The following CAP2 variants were observed in gnomAD, a reference collection of about 807,000 sequenced individuals.
CAP2 encodes the protein adenylyl cyclase-associated protein 2.
In CAP2, 24 loss-of-function variants were observed where a neutral mutation model predicts 57.7. That is an observed-to-expected ratio of 0.42 (90% confidence interval 0.30 to 0.58). The LOEUF (loss-of-function observed/expected upper bound fraction) is 0.58. Among genes scored for constraint, CAP2 ranks in the 20% least tolerant of loss-of-function variants. The probability of loss-of-function intolerance (pLI) is 0.22; values close to 1 mark genes in which losing one functional copy is unlikely to be tolerated. For missense variants in CAP2, 501 were observed against 590.3 expected (o/e 0.85, Z 1.57); for synonymous variants, 194 against 207.2 (o/e 0.94, Z 0.55).
intron 11 of CAP2, among the ~76,000 whole-genome samples, chr6:17,549,426 TG>T (rs2113709640): frequency 6.6e-6 from 1 of 151,990 alleles, no homozygotes; most frequent in Non-Finnish European, 1.5e-5. Flanking sequence ...ATCGTGCCAT[TG>T]TACTCCAGCC....
intron 1 of CAP2, among the ~76,000 whole-genome samples, chr6:17,395,968 A>G (rs1758654405): frequency 6.6e-6 from 1 of 152,208 alleles, no homozygotes; most frequent in African/African-American, 2.4e-5. Context: ...AAAAAGAAAA[A>G]TAATCCAATT....
At chr6:17,508,970 T>C (rs1206196835) in intron 6 of CAP2, among the ~76,000 whole-genome samples, 2 of 152,128 alleles carry the variant, frequency 1.3e-5, no homozygotes, top group Middle Eastern at 3.4e-3. Context: ...ATTGGCCAGA[T>C]GGTCTCAATC....
intron 11 of CAP2, among the ~76,000 whole-genome samples, chr6:17,544,093 C>A (rs1421047145): frequency 6.8e-6 from 1 of 146,226 alleles, no homozygotes; most frequent in East Asian, 2.0e-4. Flanking sequence ...CCACTGCACT[C>A]CAGCCTGGGC....
intron 6 of CAP2, among the ~76,000 whole-genome samples, chr6:17,510,920 T>G (rs1762129939): frequency 6.6e-6 from 1 of 152,200 alleles, no homozygotes; most frequent in Non-Finnish European, 1.5e-5. Context: ...TGAGTATATG[T>G]TGGGGCTGTG....
chr6:17,484,908 C>A (rs1052056438), intron 4 of CAP2, among the ~76,000 whole-genome samples: 2 of 152,120 alleles, frequency 1.3e-5, no homozygotes, highest in African/African-American at 4.8e-5. Context: ...TTGTTCTTTA[C>A]CAAAGATGAT....
chr6:17,434,571 T>C (rs1759824555), intron 3 of CAP2, among the ~76,000 whole-genome samples: 1 of 152,230 alleles, frequency 6.6e-6, no homozygotes, highest in African/African-American at 2.4e-5. Flanking sequence ...GTTAAAAAAT[T>C]GAAGCCAGGA....
intron 4 of CAP2, among the ~76,000 whole-genome samples, chr6:17,492,046 T>C (rs985834686): frequency 6.6e-6 from 1 of 152,134 alleles, no homozygotes; most frequent in Non-Finnish European, 1.5e-5. Context: ...CTGGAAGGAG[T>C]ACTTAATGTG....
intron 3 of CAP2, among the ~76,000 whole-genome samples, chr6:17,458,942 CA>C (rs555773844): frequency 3.0e-4 from 44 of 144,762 alleles, no homozygotes; most frequent in African/African-American, 1.1e-3. Flanking sequence ...AGTAAGCAAA[CA>C]AAAAACCCAT....
At chr6:17,506,594 C>T (rs771445236) in intron 4 of CAP2, among the ~76,000 whole-genome samples, 3 of 151,452 alleles carry the variant, frequency 2.0e-5, no homozygotes, top group Non-Finnish European at 2.9e-5. Context: ...GAGCCAATAT[C>T]GCGCCACTGC....
intron 4 of CAP2, among the ~76,000 whole-genome samples, chr6:17,503,664 C>A (rs1761896097): frequency 6.6e-6 from 1 of 151,296 alleles, no homozygotes; most frequent in African/African-American, 2.4e-5. Context: ...CCCTAATGAC[C>A]TCATTTTAAT....
At chr6:17,451,240 AAAAT>A (rs1240865163) in intron 3 of CAP2, among the ~76,000 whole-genome samples, 11 of 150,402 alleles carry the variant, frequency 7.3e-5, no homozygotes, top group African/African-American at 2.7e-4. Context: ...CCAAAAAAAA[AAAAT>A]AATAATAATA....
At chr6:17,517,375 T>C (rs577721973) in intron 7 of CAP2, among the ~76,000 whole-genome samples, 1 of 152,372 alleles carries the variant, frequency 6.6e-6, no homozygotes, top group South Asian at 2.1e-4. Flanking sequence ...ATTGTGTTTA[T>C]GAATATAAAA....
intron 1 of CAP2, among the ~76,000 whole-genome samples, chr6:17,405,989 C>T (rs1758955121): frequency 6.6e-6 from 1 of 152,166 alleles, no homozygotes; most frequent in Non-Finnish European, 1.5e-5. Flanking sequence ...GATCTCCCTA[C>T]CCCAGCCTCT....
intron 4 of CAP2, among the ~76,000 whole-genome samples, chr6:17,504,863 T>C (rs1249330099): frequency 6.6e-6 from 1 of 152,222 alleles, no homozygotes; most frequent in Non-Finnish European, 1.5e-5. Flanking sequence ...ACCTATTCTA[T>C]TGGATTTGTC....
chr6:17,397,541 A>G lies in CAP2; in HGVS notation c.-2+3795A>G, dbSNP rs182387789. On this transcript the variant is annotated intron_variant, in intron 1 of 12. Transcript: ENST00000229922. ...AACCCCATCTCTACTAAAAAATACA[A>G]AAAATTAGCCGGGCGTGGTGGCGGG... is the stretch of plus-strand genomic sequence containing the variant. Among the ~76,000 whole-genome samples, 1,315 of 151,778 alleles carry G rather than the reference A, an allele frequency of 8.7e-3. 21 individuals carry two copies. The highest frequency in any genetic ancestry group is 0.03 in the African/African-American group (1,249 of 41,430).
At chr6:17,447,130 C>T (rs899321950) in intron 3 of CAP2, among the ~76,000 whole-genome samples, 3 of 151,292 alleles carry the variant, frequency 2.0e-5, no homozygotes, top group Non-Finnish European at 2.9e-5. Flanking sequence ...TCAAGAGATC[C>T]TCCCACCTCA....
At chr6:17,423,162 A>G (rs1759491222) in intron 2 of CAP2, among the ~76,000 whole-genome samples, 1 of 152,184 alleles carries the variant, frequency 6.6e-6, no homozygotes, top group South Asian at 2.1e-4. Flanking sequence ...ACCAGGAAAG[A>G]CCTACATTGG....
chr6:17,401,672 C>T (rs753936866), intron 1 of CAP2, among the ~76,000 whole-genome samples: 19 of 152,178 alleles, frequency 1.2e-4, no homozygotes, highest in Admixed American at 3.3e-4. Context: ...GAAGCTGTGG[C>T]TAGAGATTTT....
chr6:17,462,259 C>A (rs1229852680), intron 3 of CAP2, among the ~76,000 whole-genome samples: 3 of 151,944 alleles, frequency 2.0e-5, no homozygotes, highest in Non-Finnish European at 4.4e-5. Flanking sequence ...GTGAGCATAT[C>A]TAAATGGTGA....
Sources: gnomAD v4.1 joint callset for allele counts (sites outside exome capture counted in the v4.1 genomes callset) on GRCh38, gnomAD v4.1.1 for gene constraint, MANE v1.5 for transcripts, NCBI Gene and HGNC (gene_info 2026-07-23, HGNC 2026-07-21) for gene names.